Variants in CASK observed in about 807,000 individuals in gnomAD.
CASK encodes calcium/calmodulin dependent serine protein kinase, also known as peripheral plasma membrane protein CASK.
Under a neutral mutation model 82.9 loss-of-function variants are expected in CASK, and 4 were observed. The observed-to-expected ratio is 0.05, with a 90% CI of 0.02 to 0.11. CASK has a LOEUF of 0.11. Among genes scored for constraint, CASK ranks in the 10% least tolerant of loss-of-function variants. The pLI, the probability that CASK is intolerant of heterozygous loss-of-function variation, is 1.00. For synonymous variants in CASK, 259 were observed against 253.5 expected (o/e 1.02, Z -0.20); for missense variants, 358 against 720.9 (o/e 0.50, Z 5.76).
At chrX:41,743,032 T>C (rs2068620931) in intron 4 of CASK, among the ~76,000 whole-genome samples, 1 of 112,343 alleles carries the variant, frequency 8.9e-6, no homozygotes, top group South Asian at 3.7e-4. Flanking sequence ...ACCTTTTCTA[T>C]AAATCTCAAG....
intron 2 of CASK, among the ~76,000 whole-genome samples, chrX:41,827,553 A>G (rs1321463602): frequency 8.9e-6 from 1 of 112,134 alleles, no homozygotes; most frequent in Non-Finnish European, 1.9e-5. Context: ...CCATCTTCTA[A>G]TACCATCACC....
chrX:41,878,645 G>A (rs1175426862), intron 1 of CASK, among the ~76,000 whole-genome samples: 1 of 110,922 alleles, frequency 9.0e-6, no homozygotes, highest in Non-Finnish European at 1.9e-5. Flanking sequence ...ATGTAACAAA[G>A]TCTTCAGAAA....
chrX:41,711,649 C>A (rs993489024), intron 5 of CASK, among the ~76,000 whole-genome samples: 1 of 111,124 alleles, frequency 9.0e-6, no homozygotes, highest in African/African-American at 3.3e-5. Flanking sequence ...TGATCCCCGC[C>A]CCTCACCTAT....
chrX:41,625,965 T>G (rs1004146336), intron 10 of CASK, among the ~76,000 whole-genome samples: 1 of 96,001 alleles, frequency 1.0e-5, no homozygotes, highest in Non-Finnish European at 2.1e-5. Flanking sequence ...TTTTTTTTTT[T>G]TTTGTATTTT....
intron 21 of CASK, among the ~76,000 whole-genome samples, chrX:41,544,309 G>A (rs764669536): frequency 1.8e-5 from 2 of 111,674 alleles, no homozygotes; most frequent in Non-Finnish European, 3.8e-5. Flanking sequence ...GCTCACGCCT[G>A]TAATCCCAGC....
At position 41,830,710 on chromosome X, in the gene CASK, C is replaced by G. The variant is rs1189911405; in HGVS notation, c.172+22405G>C. ...TGGCGGGTGCCTGTAGTCCCAGCTACTCAGGAGGCTGAGGCAGGAGTATGG... is the reference window on the plus strand; with the variant it reads ...TGGCGGGTGCCTGTAGTCCCAGCTAGTCAGGAGGCTGAGGCAGGAGTATGG... On this transcript the variant is annotated intron_variant, in intron 2 of 26. Coordinates refer to ENST00000378163, the MANE Select transcript of CASK (RefSeq NM_001367721.1). Among the ~76,000 whole-genome samples, 15 of 106,734 alleles carry G rather than the reference C, an allele frequency of 1.4e-4. 1 individual carries two copies. The Admixed American group carries it at 1.5e-3, about 11-fold the overall frequency. The allele number at this position is 106,734 out of a possible 115,157, so 92.7% of individuals were successfully genotyped here.
intron 3 of CASK, among the ~76,000 whole-genome samples, chrX:41,758,435 C>CAAA (rs746659684): frequency 1.1e-4 from 5 of 43,482 alleles, no homozygotes; most frequent in African/African-American, 4.0e-4. Context: ...GACTTCATCT[C>CAAA]AAAAAAAAAA....
chrX:41,830,827 A>AC (rs2070791730), intron 2 of CASK, among the ~76,000 whole-genome samples: 1 of 109,301 alleles, frequency 9.1e-6, no homozygotes, highest in East Asian at 2.8e-4. Context: ...CAAAAAAAAA[A>AC]AAAAAAAAAC....
intron 22 of CASK, among the ~76,000 whole-genome samples, chrX:41,535,294 C>A (rs183870712): frequency 3.6e-5 from 4 of 110,970 alleles, no homozygotes; most frequent in Non-Finnish European, 7.5e-5. Context: ...TAATTTGAAA[C>A]CACATGCTGT....
At chrX:41,758,089 T>C (rs780440105) in intron 3 of CASK, among the ~76,000 whole-genome samples, 5 of 111,726 alleles carry the variant, frequency 4.5e-5, no homozygotes, top group Non-Finnish European at 9.4e-5. Context: ...AAGGACCAGT[T>C]ACATGAAGAT....
chrX:41,728,084 C>G (rs1383113577), intron 5 of CASK: 1 of 688,953 alleles, frequency 1.5e-6, no homozygotes, highest in Non-Finnish European at 2.1e-6. Flanking sequence ...ATTCATGTGA[C>G]TTTATTAGGG....
At chrX:41,797,075 A>C (rs182829012) in intron 2 of CASK, among the ~76,000 whole-genome samples, 68 of 111,638 alleles carry the variant, frequency 6.1e-4, no homozygotes, top group African/African-American at 2.1e-3. Context: ...TAGGGTTCAC[A>C]GACCTATTTA....
chrX:41,521,301 A>G (rs1351915933), intron 26 of CASK, among the ~76,000 whole-genome samples: 2 of 112,213 alleles, frequency 1.8e-5, no homozygotes, highest in African/African-American at 6.5e-5. Context: ...AGCACCTGGC[A>G]TCTGATGAAT....
At chrX:41,810,935 G>A (rs918866284) in intron 2 of CASK, among the ~76,000 whole-genome samples, 66 of 111,216 alleles carry the variant, frequency 5.9e-4, no homozygotes, top group East Asian at 5.6e-4. Context: ...TGCAATCCTA[G>A]TCTCTGATAA....
intron 3 of CASK, among the ~76,000 whole-genome samples, chrX:41,769,082 T>G (rs1311466523): frequency 9.0e-6 from 1 of 111,345 alleles, no homozygotes; most frequent in Non-Finnish European, 1.9e-5. Context: ...TTAAAAGAGT[T>G]TTAAATACAT....
chrX:41,619,132 T>G (rs952848859), intron 11 of CASK, among the ~76,000 whole-genome samples: 1 of 111,258 alleles, frequency 9.0e-6, no homozygotes, highest in African/African-American at 3.3e-5. Context: ...TTCTGTTCTC[T>G]CTTTAATCTC....
intron 2 of CASK, chrX:41,790,043 C>G (rs1028639357): frequency 9.8e-6 from 2 of 203,825 alleles, no homozygotes; most frequent in African/African-American, 3.2e-5. Context: ...GATTCTCCTG[C>G]GTCAGCCTCC....
rs145707717 is a variant in CASK at position 41,791,245 on chromosome X, A to G, written c.173-3962T>C. 2.3e-3 allele frequency among the ~76,000 whole-genome samples: 255 copies of G among 109,541 alleles called. 1 individual carries two copies. Among genetic ancestry groups the G allele is most frequent in the African/African-American group, 8.1e-3 (242 of 30,015 alleles). On this transcript the variant is annotated intron_variant, in intron 2 of 26. Coordinates refer to ENST00000378163, the MANE Select transcript of CASK (RefSeq NM_001367721.1). ...GTGGTGATTTCTGAGATTCTGGTGC[A>G]CCCGTCACCCAAGCAGTGTACACTG...
intron 2 of CASK, among the ~76,000 whole-genome samples, chrX:41,833,787 C>T (rs938708225): frequency 9.0e-5 from 10 of 111,664 alleles, no homozygotes; most frequent in Admixed American, 1.9e-4. Flanking sequence ...CTTACTCTGT[C>T]GCCCAGGCTG....
Sources: allele counts gnomAD v4.1 joint callset (sites outside exome capture counted in the v4.1 genomes callset), GRCh38; gene constraint gnomAD v4.1.1; transcripts MANE v1.5; gene names NCBI Gene and HGNC (gene_info 2026-07-23, HGNC 2026-07-21).